The following CCNE2 variants were observed in gnomAD, a reference collection of about 807,000 sequenced individuals.
CCNE2 encodes cyclin E2.
Under a neutral mutation model 56.8 loss-of-function variants are expected in CCNE2, and 18 were observed. That is an observed-to-expected ratio of 0.32 (90% CI 0.22 to 0.47). The LOEUF (loss-of-function observed/expected upper bound fraction) is 0.47, where lower values mean the gene tolerates loss of function less well. Ranked by LOEUF, CCNE2 falls within the 20% of genes least tolerant of loss-of-function variation. The pLI is 1.00. For missense variants in CCNE2, 371 were observed against 467.1 expected, an observed-to-expected ratio of 0.79 and a Z score of 1.90; for synonymous variants, 139 against 149.2, an observed-to-expected ratio of 0.93 and a Z score of 0.50.
chr8:94,890,357 C>T (rs1399421364), intron 6 of CCNE2, 58 bp downstream of exon 6: 7 of 1,400,548 alleles, frequency 5.0e-6, no homozygotes, highest in Non-Finnish European at 5.7e-6. Flanking sequence ...AGCACATTTA[C>T]AGCTAAATAT....
Position 94,890,437 on chromosome 8 carries a change from A to G in CCNE2, c.431T>C (p.Ile144Thr). 1 of 1,603,964 alleles carries G rather than the reference A, an allele frequency of 6.2e-7. No individual in the cohort carries two copies. Among genetic ancestry groups the G allele is most frequent in the African/African-American group, 1.3e-5 (1 of 74,322 alleles). The change falls in exon 6 of 12, where the codon ATA becomes ACA. Residue 144 changes from isoleucine to threonine, a missense_variant. Coordinates refer to ENST00000308108, the MANE Select transcript of CCNE2 (RefSeq NM_057749.3). ...HSDLEPQMRS[I>T]LLDWLLEVCE... Reference sequence around the variant, plus strand: ...TACCTCTAAAAGCCAGTCTAGAAGTATGGACCTCATCTGTGGTTCCAAGTC... The same window carrying G: ...TACCTCTAAAAGCCAGTCTAGAAGTGTGGACCTCATCTGTGGTTCCAAGTC...
chr8:94,896,083 C>T (rs960401353), upstream of CCNE2, among the ~76,000 whole-genome samples: 3 of 152,220 alleles, frequency 2.0e-5, no homozygotes, highest in Admixed American at 6.5e-5. Flanking sequence ...CCACGCCGCG[C>T]CCTCCCTTGC....
intron 10 of CCNE2, 57 bp downstream of exon 10, chr8:94,882,724 C>T: frequency 1.8e-6 from 2 of 1,142,532 alleles, no homozygotes; most frequent in Non-Finnish European, 2.6e-6. Context: ...AGTTCAGAGA[C>T]TGTAGTCCCA....
chr8:94,895,285 G>A, upstream of CCNE2: 2 of 983,136 alleles, frequency 2.0e-6, no homozygotes, highest in Non-Finnish European at 2.4e-6. Context: ...CCTCCGGACA[G>A]CGCGCTCCCC....
chr8:94,895,302 G>T, upstream of CCNE2: 1 of 966,072 alleles, frequency 1.0e-6, no homozygotes, highest in Non-Finnish European at 1.2e-6. Context: ...CCCCTCTCCC[G>T]CCCGTCCGCC....
At chr8:94,886,620 T>TAGCCTCGGAGGTCGAGGCTGTAC (rs1817051330) in intron 7 of CCNE2, among the ~76,000 whole-genome samples, 1 of 152,118 alleles carries the variant, frequency 6.6e-6, no homozygotes, top group African/African-American at 2.4e-5. Flanking sequence ...AGGATCACTG[T>TAGCCTCGGAGGTCGAGGCTGTAC]AGCCTCGGAG....
chr8:94,883,061 G>T (rs938764962), intron 9 of CCNE2, among the ~76,000 whole-genome samples, 169 bp from the exon 10 acceptor site: 3 of 151,998 alleles, frequency 2.0e-5, no homozygotes, highest in African/African-American at 4.8e-5. Flanking sequence ...GGATCACAAG[G>T]TCACGAGATC....
chr8:94,893,271 C>G (rs1039399305), intron 4 of CCNE2, among the ~76,000 whole-genome samples: 4 of 149,082 alleles, frequency 2.7e-5, no homozygotes, highest in Non-Finnish European at 5.9e-5. Flanking sequence ...TAATCACTTT[C>G]AAGATCACAG....
At chr8:94,891,315 G>T in intron 5 of CCNE2, 1 of 229,282 alleles carries the variant, frequency 4.4e-6, no homozygotes, top group South Asian at 7.5e-5. Flanking sequence ...TGTGTTCACT[G>T]TAAGAACACT....
At chr8:94,894,990 G>A (rs1391961799) in intron 1 of CCNE2, among the ~76,000 whole-genome samples, 187 bp downstream of exon 1, 1 of 152,148 alleles carries the variant, frequency 6.6e-6, no homozygotes, top group Non-Finnish European at 1.5e-5. Flanking sequence ...GGCTCTCCAT[G>A]CCCAGCCGCT....
chr8:94,892,222 C>A (rs900098245), intron 5 of CCNE2: 1 of 381,720 alleles, frequency 2.6e-6, no homozygotes, highest in African/African-American at 2.1e-5. Flanking sequence ...TCTCAATCAC[C>A]TCTAAATAGA....
At chr8:94,887,176 AG>A (rs1817068629) in intron 7 of CCNE2, among the ~76,000 whole-genome samples, 1 of 152,200 alleles carries the variant, frequency 6.6e-6, no homozygotes. Flanking sequence ...TTAAGAAAGG[AG>A]GTGCCTTCTA....
chr8:94,887,281 G>A (rs759414065), intron 7 of CCNE2, among the ~76,000 whole-genome samples: 1 of 152,164 alleles, frequency 6.6e-6, no homozygotes, highest in Non-Finnish European at 1.5e-5. Context: ...CGAGGTGGGT[G>A]GATCGCCTGA....
At chr8:94,883,878 G>GT (rs1816927884) in intron 9 of CCNE2, 1 of 455,968 alleles carries the variant, frequency 2.2e-6, no homozygotes, top group Non-Finnish European at 4.4e-6. Flanking sequence ...CTTCAATTCT[G>GT]TTTGTCCTCA....
At chr8:94,894,166 A>C (rs1563685768) in intron 2 of CCNE2, 42 bp downstream of exon 2, 1 of 1,613,828 alleles carries the variant, frequency 6.2e-7, no homozygotes, top group East Asian at 2.2e-5. Flanking sequence ...AGTTAAAGGC[A>C]GCAACTAATT....
chr8:94,887,656 TC>T (rs1278719329), intron 7 of CCNE2, among the ~76,000 whole-genome samples: 3 of 152,240 alleles, frequency 2.0e-5, no homozygotes, highest in Non-Finnish European at 4.4e-5. Context: ...TCAATATGTT[TC>T]GTTTGGCAGA....
rs911514848 is a variant in CCNE2 at position 94,887,142 on chromosome 8, A to G, written c.600+785T>C. Among the ~76,000 whole-genome samples, 3 of 152,334 alleles carry G rather than the reference A, an allele frequency of 2.0e-5. No individual in the cohort carries two copies. The East Asian group carries it at 5.8e-4, about 29-fold the overall frequency. On this transcript the variant is annotated intron_variant, in intron 7 of 11. Transcript: ENST00000308108. ...ATCCATCATGTATTAAGAAAAGTAA[A>G]TTGAGCTTATGTGAAGGAAAATCTT...
upstream of CCNE2, chr8:94,896,321 G>A (rs938348287): frequency 6.8e-6 from 1 of 146,814 alleles, no homozygotes; most frequent in East Asian, 2.0e-4. Flanking sequence ...CCGGCAGCGC[G>A]GGAGGGCGCC....
intron 4 of CCNE2, 22 bp from the exon 5 acceptor site, chr8:94,892,991 A>T: frequency 6.6e-7 from 1 of 1,525,116 alleles, no homozygotes; most frequent in Non-Finnish European, 8.7e-7. Context: ...AAAAAGAAAA[A>T]TATCAATTTG....
Sources: gnomAD v4.1 joint callset for allele counts (sites outside exome capture counted in the v4.1 genomes callset) on GRCh38, gnomAD v4.1.1 for gene constraint, MANE v1.5 for transcripts, NCBI Gene and HGNC (gene_info 2026-07-23, HGNC 2026-07-21) for gene names.